The following CABP7 variants were observed in gnomAD, a reference collection of about 807,000 sequenced individuals.
The protein encoded by CABP7 is calcium-binding protein 7.
Under a neutral mutation model 23.1 loss-of-function variants are expected in CABP7, and 13 were observed. That is an observed-to-expected ratio of 0.56 (90% CI 0.37 to 0.90). The LOEUF is 0.90. CABP7 is among the 40% of genes least tolerant of loss of function. CABP7 has a pLI of 0.01. For missense variants in CABP7, 248 were observed against 295.6 expected (o/e 0.84, Z 1.18); for synonymous variants, 123 against 115.3 (o/e 1.07, Z -0.43).
intron 1 of CABP7, among the ~76,000 whole-genome samples, chr22:29,724,256 T>C (rs2067780868): frequency 3.9e-5 from 6 of 152,168 alleles, no homozygotes; most frequent in Admixed American, 3.9e-4. Context: ...GAGAGGGACG[T>C]GACTTGCCCA....
At chr22:29,725,507 G>A (rs1046343947) in intron 1 of CABP7, among the ~76,000 whole-genome samples, 2 of 152,154 alleles carry the variant, frequency 1.3e-5, no homozygotes, top group Non-Finnish European at 2.9e-5. Context: ...ACACAGCCAC[G>A]AACAAGACCA....
rs1347528286 is a variant in CABP7, at chr22:29,720,673, T to TGTGCCCCGCGGCAAGACCTGTCC, written c.109+142_109+164dup. The TGTGCCCCGCGGCAAGACCTGTCC allele has an allele frequency of 2.1e-6, 1 of 469,420 alleles. No individual in the cohort carries two copies. The highest frequency in any genetic ancestry group is 3.7e-6 in the Non-Finnish European group (1 of 272,382). 29.1% of individuals were successfully genotyped at this position (469,420 alleles called of 1,614,324 possible). ...CCAGGTGGGCGCCCCAGCTAGCAGC[T>TGTGCCCCGCGGCAAGACCTGTCC]GTGCCCCGCGGCAAGACCTGTCCGC... On this transcript the variant is annotated intron_variant, in intron 1 of 4. Transcript: ENST00000216144. The surrounding 1 kb of genome is among the most constrained non-coding windows in gnomAD (Gnocchi z 5.2).
Position 29,730,361 on chromosome 22 carries a change from T to C in CABP7, c.*792T>C, listed in dbSNP as rs1350620293. The C allele has an allele frequency of 6.6e-6, 1 of 152,660 alleles. No homozygotes were observed. Among genetic ancestry groups the C allele is most frequent in the Admixed American group, 6.5e-5 (1 of 15,286 alleles). The allele number at this position is 152,660 out of a possible 1,614,324, so 9.5% of individuals were successfully genotyped here. On this transcript the variant is annotated 3_prime_UTR_variant, in exon 5 of 5. Coordinates refer to ENST00000216144, the MANE Select transcript of CABP7 (RefSeq NM_182527.3). Reference sequence around the variant, plus strand: ...AGAGGCCCAGCTACCAAGGCCACATTGTCCACCACCCCAGCCTAGAGCCTA... The same window carrying C: ...AGAGGCCCAGCTACCAAGGCCACATCGTCCACCACCCCAGCCTAGAGCCTA...
chr22:29,731,038 T>G lies in CABP7; in HGVS notation c.*1469T>G. 4 of 494,800 alleles carry G rather than the reference T, an allele frequency of 8.1e-6. No individual in the cohort carries two copies. Among genetic ancestry groups the G allele is most frequent in the East Asian group, 3.2e-5 (1 of 30,938 alleles). 30.7% of individuals were successfully genotyped at this position (494,800 alleles called of 1,614,324 possible). On this transcript the variant is annotated 3_prime_UTR_variant, in exon 5 of 5. Coordinates refer to ENST00000216144, the MANE Select transcript of CABP7 (RefSeq NM_182527.3). Reference sequence around the variant, plus strand: ...AAGCAGGGGGGCAGGTGGAGGAGAGTGAGGGGAGAGCTGCCCGGTGCAGAC... The same window carrying G: ...AAGCAGGGGGGCAGGTGGAGGAGAGGGAGGGGAGAGCTGCCCGGTGCAGAC...
In CABP7 at chr22:29,729,562, TGAA is replaced by T. The variant is rs777605216; in HGVS notation, c.643_645del (p.Lys215del). On this transcript the variant is annotated inframe_deletion, in exon 5 of 5. Transcript: ENST00000216144. ...GCCAACCAGGTGCTGCGCAGTGGCA[TGAA>T]GTAGACGCCACCTGGATGCCCCATC... 1.9e-6 allele frequency: 3 copies of T among 1,610,258 alleles called. No homozygotes were observed. The South Asian group carries it at 3.3e-5, about 18-fold the overall frequency.
chr22:29,730,822 G>C lies in CABP7; in HGVS notation c.*1253G>C, dbSNP rs111846036. ...TGCCTGGCCGTGCTGAACCTCTGCT[G>C]GTCCCAAGGGAGAAGGGAGTGAGCG... On this transcript the variant is annotated 3_prime_UTR_variant, in exon 5 of 5. Transcript: ENST00000216144. 0.013 allele frequency: 2,028 copies of C among 155,264 alleles called. 46 individuals are homozygous for C. Among genetic ancestry groups the C allele is most frequent in the African/African-American group, 0.044 (1,833 of 41,666 alleles). 9.6% of individuals were successfully genotyped at this position (155,264 alleles called of 1,614,324 possible).
intron 1 of CABP7, among the ~76,000 whole-genome samples, chr22:29,726,291 G>A (rs2067795160): frequency 6.6e-6 from 1 of 152,162 alleles, no homozygotes; most frequent in South Asian, 2.1e-4. Context: ...TGGGGCCTCC[G>A]CCCAAGCCAC....
In CABP7 at chr22:29,729,752, G is replaced by GT; in HGVS notation, c.*184dup. The GT allele has an allele frequency of 1.3e-6, 1 of 758,238 alleles. No homozygotes were observed. The highest frequency in any genetic ancestry group is 2.1e-6 in the Non-Finnish European group (1 of 480,916). 47.0% of individuals were successfully genotyped at this position (758,238 alleles called of 1,614,324 possible). A position where few individuals can be genotyped will look rare whatever the true frequency, so the allele number is the denominator to read the frequency against. On this transcript the variant is annotated 3_prime_UTR_variant, in exon 5 of 5. Coordinates refer to ENST00000216144, the MANE Select transcript of CABP7 (RefSeq NM_182527.3). Reference sequence around the variant, plus strand: ...CCTCACCTGGAGCTGTGGCCTGGCTGTGGAGGGCCGGGTGGTGGCTCTGAG... The same window carrying GT: ...CCTCACCTGGAGCTGTGGCCTGGCTGTTGGAGGGCCGGGTGGTGGCTCTGAG...
rs1007584729 is a variant in CABP7 at position 29,729,339 on chromosome 22, C to A, written c.521-103C>A. The A allele has an allele frequency of 1.9e-6, 3 of 1,568,228 alleles. No homozygotes were observed. The African/African-American group carries it at 4.0e-5, about 21-fold the overall frequency. ...GTCCTAAGCCTCTGTCCCATTGGGG[C>A]ACCCCATGGGATGAGCCCATGTGCC... On this transcript the variant is annotated intron_variant, in intron 4 of 4. Coordinates refer to ENST00000216144, the MANE Select transcript of CABP7 (RefSeq NM_182527.3).
At chr22:29,728,873 C>A in intron 3 of CABP7, 131 bp downstream of exon 3, 1 of 1,009,766 alleles carries the variant, frequency 9.9e-7, no homozygotes, top group Non-Finnish European at 1.5e-6. Context: ...GACATTTCAC[C>A]TCTCAGAGGG....
In CABP7 at chr22:29,731,274, G is replaced by A; in HGVS notation, c.*1705G>A. The stretch of plus-strand genomic sequence containing the variant: ...CAGAGGCCACCCCCCAGGTGGGGGT[G>A]CCCGCAGGGATGGAGGCAGCTCCTG... On this transcript the variant is annotated 3_prime_UTR_variant, in exon 5 of 5. Coordinates refer to ENST00000216144, the MANE Select transcript of CABP7 (RefSeq NM_182527.3). 1 of 1,520,270 alleles carries A rather than the reference G, an allele frequency of 6.6e-7. No individual in the cohort carries two copies. Among genetic ancestry groups the A allele is most frequent in the Non-Finnish European group, 8.7e-7 (1 of 1,147,328 alleles). The allele number at this position is 1,520,270 out of a possible 1,614,324, so 94.2% of individuals were successfully genotyped here. A position where few individuals can be genotyped will look rare whatever the true frequency, so the allele number is the denominator to read the frequency against.
intron 1 of CABP7, among the ~76,000 whole-genome samples, chr22:29,723,914 T>C (rs1448237857): frequency 2.0e-5 from 3 of 152,192 alleles, no homozygotes; most frequent in Admixed American, 6.5e-5. Flanking sequence ...ACTTGGGCCC[T>C]GATGAAACTC....
At chr22:29,726,222 G>A (rs1478297052) in intron 1 of CABP7, among the ~76,000 whole-genome samples, 2 of 152,186 alleles carry the variant, frequency 1.3e-5, no homozygotes, top group Non-Finnish European at 2.9e-5. Context: ...GTGCACATGT[G>A]AGCCTGTCTG....
chr22:29,721,921 C>A (rs1601705612), intron 1 of CABP7, among the ~76,000 whole-genome samples: 1 of 152,242 alleles, frequency 6.6e-6, no homozygotes, highest in East Asian at 1.9e-4. Flanking sequence ...AGGGCCAGAG[C>A]CTCCTCCAGA....
chr22:29,728,319 C>T (rs1018324984), intron 2 of CABP7, among the ~76,000 whole-genome samples: 2 of 152,186 alleles, frequency 1.3e-5, no homozygotes, highest in African/African-American at 2.4e-5. Flanking sequence ...GGATGGCCCA[C>T]CCCAGGATGG....
chr22:29,720,419 T>G lies in CABP7; in HGVS notation c.-6T>G, dbSNP rs1481618102. 21 of 1,504,960 alleles carry G rather than the reference T, an allele frequency of 1.4e-5. No homozygotes were observed. Among genetic ancestry groups the G allele is most frequent in the Non-Finnish European group, 1.9e-5 (21 of 1,127,688 alleles). The allele number at this position is 1,504,960 out of a possible 1,614,324, so 93.2% of individuals were successfully genotyped here. A position where few individuals can be genotyped will look rare whatever the true frequency, so the allele number is the denominator to read the frequency against. On this transcript the variant is annotated 5_prime_UTR_variant, in exon 1 of 5. Transcript: ENST00000216144. This position sits in a 1 kb window ranked among gnomAD's most constrained non-coding sequence, Gnocchi z 5.2. ...GCGGCGGGCGGGCGGGCGCGGAGCC[T>G]CCAAGATGCCGTTCCACCCGGTGAC... is the stretch of plus-strand genomic sequence containing the variant.
In CABP7 at chr22:29,720,421, C is replaced by T; in HGVS notation, c.-4C>T. Reference sequence around the variant, plus strand: ...GGCGGGCGGGCGGGCGCGGAGCCTCCAAGATGCCGTTCCACCCGGTGACGG... The same window carrying T: ...GGCGGGCGGGCGGGCGCGGAGCCTCTAAGATGCCGTTCCACCCGGTGACGG... On this transcript the variant is annotated 5_prime_UTR_variant, in exon 1 of 5. Transcript: ENST00000216144. The surrounding 1 kb of genome is among the most constrained non-coding windows in gnomAD (Gnocchi z 5.2). 2 of 1,514,670 alleles carry T rather than the reference C, an allele frequency of 1.3e-6. No individual in the cohort carries two copies. Among genetic ancestry groups the T allele is most frequent in the Non-Finnish European group, 1.8e-6 (2 of 1,133,232 alleles). The allele number at this position is 1,514,670 out of a possible 1,614,324, so 93.8% of individuals were successfully genotyped here. A position where few individuals can be genotyped will look rare whatever the true frequency, so the allele number is the denominator to read the frequency against.
intron 2 of CABP7, 63 bp from the exon 3 acceptor site, chr22:29,728,567 C>A: frequency 1.9e-6 from 2 of 1,071,666 alleles, no homozygotes; most frequent in Non-Finnish European, 2.9e-6. Flanking sequence ...CCCAGGACCT[C>A]TGGGCCCTGG....
At position 29,729,635 on chromosome 22, in the gene CABP7, G is replaced by A. The variant is rs2067824393; in HGVS notation, c.*66G>A. ...GGCCCGCCCCACACCACCGCCGCCT[G>A]CAGACCTCTCCCTTGGCCGGCTCCC... On this transcript the variant is annotated 3_prime_UTR_variant, in exon 5 of 5. Transcript: ENST00000216144. 5 of 1,583,526 alleles carry A rather than the reference G, an allele frequency of 3.2e-6. No individual in the cohort carries two copies. Among genetic ancestry groups the A allele is most frequent in the East Asian group, 4.5e-5 (2 of 44,656 alleles).
Sources: gnomAD v4.1 joint callset for allele counts (sites outside exome capture counted in the v4.1 genomes callset) on GRCh38, gnomAD v4.1.1 for gene constraint, Gnocchi (gnomAD v3.1) non-coding constraint, MANE v1.5 for transcripts, NCBI Gene and HGNC (gene_info 2026-07-23, HGNC 2026-07-21) for gene names.